MCTP2: variants seen among roughly 807,000 people sequenced by gnomAD.
MCTP2 encodes multiple C2 and transmembrane domain containing 2.
MCTP2 carries 132 observed loss-of-function variants against 111.6 expected under a neutral mutation model. The observed-to-expected ratio is 1.18, with a 90% CI of 1.03 to 1.37. The LOEUF (loss-of-function observed/expected upper bound fraction) is 1.37, where lower values mean the gene tolerates loss of function less well. Among genes scored for constraint, MCTP2 ranks in the 40% most tolerant of loss-of-function variants. The pLI is 0.00. For missense variants in MCTP2, 1,183 were observed against 1,067.9 expected (o/e 1.11, Z -1.50); for synonymous variants, 395 against 387.7 (o/e 1.02, Z -0.22).
intron 1 of MCTP2, among the ~76,000 whole-genome samples, chr15:94,239,091 G>A (rs2070760066): frequency 1.3e-5 from 2 of 151,628 alleles, no homozygotes; most frequent in African/African-American, 4.8e-5. Flanking sequence ...AAACAAAAAT[G>A]ATTGGGTAAT....
chr15:94,237,437 C>T (rs573067680), intron 1 of MCTP2, among the ~76,000 whole-genome samples: 6 of 118,304 alleles, frequency 5.1e-5, no homozygotes, highest in African/African-American at 1.7e-4. Context: ...GGACTAAACT[C>T]GGATTTTTTT....
chr15:94,396,871 A>T (rs1265333235), intron 14 of MCTP2, among the ~76,000 whole-genome samples: 1 of 152,248 alleles, frequency 6.6e-6, no homozygotes, highest in Non-Finnish European at 1.5e-5. Flanking sequence ...TAATATAAAC[A>T]GATTACCAAG....
At chr15:94,348,797 G>GT (rs1032535142) in intron 8 of MCTP2, among the ~76,000 whole-genome samples, 5 of 151,526 alleles carry the variant, frequency 3.3e-5, no homozygotes, top group East Asian at 2.0e-4. Context: ...AATTAATACA[G>GT]TTTTTTTTGT....
intron 21 of MCTP2, among the ~76,000 whole-genome samples, chr15:94,471,180 C>T (rs2073895346): frequency 6.6e-6 from 1 of 152,172 alleles, no homozygotes; most frequent in Non-Finnish European, 1.5e-5. Context: ...ACTGCAATAA[C>T]TGAAATGTTG....
rs1156437027 is a variant in MCTP2 at position 94,482,696 on chromosome 15, C to G, written c.*3662C>G. On this transcript the variant is annotated 3_prime_UTR_variant, in exon 23 of 23. Coordinates refer to ENST00000357742, the MANE Select transcript of MCTP2 (RefSeq NM_001385001.1). ...CATTGTATATGAAAAGTGATCAAAA[C>G]TACATGCTTCAAGAAATTAAACCTT... 6.6e-6 allele frequency: 1 copy of G among 152,184 alleles called. No individual in the cohort carries two copies. Among genetic ancestry groups the G allele is most frequent in the Non-Finnish European group, 1.5e-5 (1 of 68,026 alleles). The allele number at this position is 152,184 out of a possible 1,614,324, so 9.4% of individuals were successfully genotyped here.
intron 22 of MCTP2, 110 bp downstream of exon 22, chr15:94,476,903 C>T: frequency 1.5e-6 from 1 of 671,418 alleles, no homozygotes; most frequent in East Asian, 2.7e-5. Flanking sequence ...GATAAGGAAC[C>T]AGAAAATCCT....
At chr15:94,390,386 A>C (rs2080885101) in intron 14 of MCTP2, among the ~76,000 whole-genome samples, 2 of 152,088 alleles carry the variant, frequency 1.3e-5, no homozygotes, top group African/African-American at 4.8e-5. Flanking sequence ...GTGCATTGGA[A>C]AACTCTAAGC....
At chr15:94,421,531 C>G (rs1044471346) in intron 17 of MCTP2, among the ~76,000 whole-genome samples, 13 of 152,150 alleles carry the variant, frequency 8.5e-5, no homozygotes, top group Admixed American at 3.3e-4. Context: ...AGGGGAGAAT[C>G]CCTTTCCTTT....
At chr15:94,435,167 C>T (rs938357714) in intron 17 of MCTP2, among the ~76,000 whole-genome samples, 2 of 152,044 alleles carry the variant, frequency 1.3e-5, no homozygotes, top group Non-Finnish European at 2.9e-5. Context: ...ACCCAGCCTG[C>T]ATTTTCATAT....
At chr15:94,415,319 C>G (rs570687330) in intron 17 of MCTP2, among the ~76,000 whole-genome samples, 66 of 152,150 alleles carry the variant, frequency 4.3e-4, no homozygotes, top group Middle Eastern at 3.4e-3. Flanking sequence ...ATCAAGTAAC[C>G]TAGACGGTGT....
chr15:94,449,896 G>A (rs971021510), intron 19 of MCTP2, among the ~76,000 whole-genome samples: 8 of 152,126 alleles, frequency 5.3e-5, no homozygotes, highest in African/African-American at 1.9e-4. Flanking sequence ...CATTAGCCTT[G>A]TTTACCTTGT....
At chr15:94,247,458 A>G (rs1284268074) in intron 1 of MCTP2, among the ~76,000 whole-genome samples, 2 of 152,134 alleles carry the variant, frequency 1.3e-5, no homozygotes, top group African/African-American at 4.8e-5. Context: ...TTCTTGGTTG[A>G]TAGTGTCTGA....
chr15:94,241,616 G>A (rs1403774275), intron 1 of MCTP2, among the ~76,000 whole-genome samples: 2 of 152,070 alleles, frequency 1.3e-5, no homozygotes, highest in African/African-American at 2.4e-5. Context: ...GAATAGTATA[G>A]AACAATATTA....
intron 1 of MCTP2, among the ~76,000 whole-genome samples, chr15:94,282,508 T>G (rs2074538743): frequency 6.6e-6 from 1 of 152,242 alleles, no homozygotes; most frequent in South Asian, 2.1e-4. Context: ...TGAGCTTCCT[T>G]GCTGTCTGGA....
intron 20 of MCTP2, among the ~76,000 whole-genome samples, chr15:94,464,259 A>ATATATATATAT (rs1567764858): frequency 2.4e-5 from 1 of 42,140 alleles, no homozygotes; most frequent in Non-Finnish European, 5.8e-5. Context: ...TATATATATT[A>ATATATATATAT]TATATATATA....
chr15:94,298,133 G>A (rs1003218892), intron 1 of MCTP2, 68 bp from the exon 2 acceptor site: 5 of 645,520 alleles, frequency 7.7e-6, no homozygotes, highest in Non-Finnish European at 1.0e-5. Flanking sequence ...GTGCCTTACT[G>A]CCACCAAGAA....
chr15:94,399,097 C>T (rs566022915), intron 15 of MCTP2, 35 bp downstream of exon 15: 42 of 1,100,638 alleles, frequency 3.8e-5, no homozygotes, highest in African/African-American at 7.8e-5. Context: ...CCGGCTTTCC[C>T]GTACCTAAAA....
intron 4 of MCTP2, among the ~76,000 whole-genome samples, chr15:94,322,124 T>C (rs950514638): frequency 6.6e-6 from 1 of 152,204 alleles, no homozygotes; most frequent in African/African-American, 2.4e-5. Flanking sequence ...CTGTATTTTA[T>C]TTTCCTATGT....
chr15:94,432,319 T>C (rs1346737677), intron 17 of MCTP2, among the ~76,000 whole-genome samples: 14 of 152,170 alleles, frequency 9.2e-5, no homozygotes, highest in Admixed American at 6.5e-5. Flanking sequence ...ATGGCAAATA[T>C]AGAGAACATA....
Sources: gnomAD v4.1 joint callset for allele counts (sites outside exome capture counted in the v4.1 genomes callset) on GRCh38, gnomAD v4.1.1 for gene constraint, MANE v1.5 for transcripts, NCBI Gene and HGNC (gene_info 2026-07-23, HGNC 2026-07-21) for gene names.